Variants in PPP3R1 observed in about 807,000 individuals in gnomAD.
PPP3R1 encodes calcineurin subunit B type 1.
Under a neutral mutation model 22.6 loss-of-function variants are expected in PPP3R1, and 5 were observed. That is an observed-to-expected ratio of 0.22 (90% CI 0.12 to 0.46). The LOEUF (loss-of-function observed/expected upper bound fraction) is 0.46. Ranked by LOEUF, PPP3R1 falls within the 20% of genes least tolerant of loss-of-function variation. The pLI is 0.99. For missense variants in PPP3R1, 61 were observed against 203.2 expected (o/e 0.30, Z 4.25); for synonymous variants, 56 against 65.2 (o/e 0.86, Z 0.68).
chr2:68,202,792 A>ATTTT (rs71395958), intron 2 of PPP3R1, among the ~76,000 whole-genome samples: 923 of 81,178 alleles, frequency 0.011, 133 homozygotes, highest in African/African-American at 0.024. Flanking sequence ...AGTTCAGGGA[A>ATTTT]TTTTTTTTTT....
At chr2:68,222,547 T>A (rs906268701) in intron 1 of PPP3R1, among the ~76,000 whole-genome samples, 11 of 152,224 alleles carry the variant, frequency 7.2e-5, no homozygotes, top group Admixed American at 1.3e-4. Flanking sequence ...TCTGCCTCAC[T>A]GCCTGAGCTG....
intron 2 of PPP3R1, among the ~76,000 whole-genome samples, chr2:68,215,607 G>A (rs1327931028): frequency 6.6e-6 from 1 of 152,070 alleles, no homozygotes; most frequent in Non-Finnish European, 1.5e-5. Flanking sequence ...GACTGCAAAG[G>A]GATCTGAGAT....
intron 2 of PPP3R1, among the ~76,000 whole-genome samples, chr2:68,201,016 T>A (rs952973899): frequency 1.3e-5 from 2 of 152,186 alleles, no homozygotes; most frequent in Admixed American, 1.3e-4. Context: ...CTTAAAGATA[T>A]ACTGTTTATT....
intron 2 of PPP3R1, among the ~76,000 whole-genome samples, chr2:68,193,539 T>G (rs1245728710): frequency 6.6e-6 from 1 of 152,128 alleles, no homozygotes; most frequent in Admixed American, 6.6e-5. Flanking sequence ...GGAAAAAATT[T>G]TAAAGCCAAG....
intron 2 of PPP3R1, among the ~76,000 whole-genome samples, chr2:68,211,799 T>C (rs2103763500): frequency 6.6e-6 from 1 of 152,334 alleles, no homozygotes; most frequent in East Asian, 1.9e-4. Flanking sequence ...AAGAAACCAC[T>C]TTCTTTACTC....
intron 3 of PPP3R1, among the ~76,000 whole-genome samples, 200 bp from the exon 4 acceptor site, chr2:68,187,514 T>C (rs1481808188): frequency 2.0e-5 from 3 of 152,038 alleles, no homozygotes; most frequent in Non-Finnish European, 4.4e-5. Context: ...GAACTTGGAG[T>C]TCTCTAAGGT....
At chr2:68,186,398 T>G in intron 5 of PPP3R1, 70 bp downstream of exon 5, 1 of 1,396,126 alleles carries the variant, frequency 7.2e-7, no homozygotes, top group East Asian at 2.4e-5. Context: ...ATGGAAATTC[T>G]CTATTAAGTG....
At chr2:68,226,744 G>C (rs6717220) in intron 1 of PPP3R1, among the ~76,000 whole-genome samples, 2,041 of 152,198 alleles carry the variant, frequency 0.013, 46 homozygotes, top group African/African-American at 0.046. Context: ...GGAAGAATTT[G>C]ATTAGGTGCA....
chr2:68,217,040 AG>A, intron 2 of PPP3R1, 51 bp downstream of exon 2: 1 of 1,189,120 alleles, frequency 8.4e-7, no homozygotes, highest in Non-Finnish European at 1.1e-6. Context: ...ACACACACAC[AG>A]AGAGAGATGA....
At chr2:68,249,373 G>A (rs1670294756) in intron 1 of PPP3R1, among the ~76,000 whole-genome samples, 2 of 151,596 alleles carry the variant, frequency 1.3e-5, no homozygotes, top group South Asian at 4.1e-4. Flanking sequence ...TCTACATACA[G>A]TTATAGACGG....
chr2:68,226,045 CA>C (rs1463973262), intron 1 of PPP3R1, among the ~76,000 whole-genome samples: 4 of 152,116 alleles, frequency 2.6e-5, no homozygotes, highest in African/African-American at 9.7e-5. Context: ...TAATGAATCT[CA>C]AAAGCAATAT....
At chr2:68,206,933 A>G (rs1222742078) in intron 2 of PPP3R1, among the ~76,000 whole-genome samples, 1 of 152,194 alleles carries the variant, frequency 6.6e-6, no homozygotes, top group Non-Finnish European at 1.5e-5. Flanking sequence ...CAAACAGAGA[A>G]CACTGGCTTG....
At chr2:68,251,661 T>TA (rs1472729893) in intron 1 of PPP3R1, among the ~76,000 whole-genome samples, 1 of 152,106 alleles carries the variant, frequency 6.6e-6, no homozygotes, top group Non-Finnish European at 1.5e-5. Flanking sequence ...TAAGTGGGTC[T>TA]TATGTAAAGT....
At chr2:68,192,737 G>A (rs1299951335) in intron 2 of PPP3R1, among the ~76,000 whole-genome samples, 2 of 152,040 alleles carry the variant, frequency 1.3e-5, no homozygotes, top group African/African-American at 2.4e-5. Flanking sequence ...TCAGCCAAAC[G>A]GCTAGCTCCT....
intron 2 of PPP3R1, among the ~76,000 whole-genome samples, chr2:68,198,698 T>G (rs1417055269): frequency 2.0e-5 from 3 of 152,076 alleles, no homozygotes; most frequent in African/African-American, 7.2e-5. Context: ...AACCATCAGT[T>G]TGCTAAATTT....
At chr2:68,244,208 C>A (rs1430412478) in intron 1 of PPP3R1, among the ~76,000 whole-genome samples, 1 of 152,136 alleles carries the variant, frequency 6.6e-6, no homozygotes, top group African/African-American at 2.4e-5. Context: ...GCAAAGACTG[C>A]CAAAGTATTA....
chr2:68,191,318 T>G (rs982502460), intron 2 of PPP3R1, among the ~76,000 whole-genome samples: 1 of 152,214 alleles, frequency 6.6e-6, no homozygotes, highest in Non-Finnish European at 1.5e-5. Context: ...CATCTTACTG[T>G]ACTGAATACT....
At chr2:68,200,802 T>C (rs1674960090) in intron 2 of PPP3R1, among the ~76,000 whole-genome samples, 2 of 152,178 alleles carry the variant, frequency 1.3e-5, no homozygotes, top group Non-Finnish European at 2.9e-5. Flanking sequence ...AATCAGACCA[T>C]GTTTTACTAA....
intron 2 of PPP3R1, among the ~76,000 whole-genome samples, chr2:68,205,455 G>T (rs1372030612): frequency 1.3e-5 from 2 of 151,964 alleles, no homozygotes; most frequent in African/African-American, 2.4e-5. Flanking sequence ...TGTCAGTCAG[G>T]CTGGTCTCGA....
Sources: gnomAD v4.1 joint callset for allele counts (sites outside exome capture counted in the v4.1 genomes callset) on GRCh38, gnomAD v4.1.1 for gene constraint, MANE v1.5 for transcripts, NCBI Gene and HGNC (gene_info 2026-07-23, HGNC 2026-07-21) for gene names.